NUDT3: variants seen among roughly 807,000 people sequenced by gnomAD.
NUDT3 encodes the protein diphosphoinositol polyphosphate phosphohydrolase 1.
In NUDT3, 9 loss-of-function variants were observed where a neutral mutation model predicts 23.6. That is an observed-to-expected ratio of 0.38 (90% confidence interval 0.23 to 0.66). The LOEUF is 0.66. Ranked by LOEUF, NUDT3 falls within the 30% of genes least tolerant of loss-of-function variation. The probability of loss-of-function intolerance (pLI) is 0.52; values close to 1 mark genes in which losing one functional copy is unlikely to be tolerated. For missense variants in NUDT3, 172 were observed against 218.5 expected (o/e 0.79, Z 1.34); for synonymous variants, 86 against 82.6 (o/e 1.04, Z -0.22).
At chr6:34,304,834 CTTTT>C (rs533001818) in intron 2 of NUDT3, among the ~76,000 whole-genome samples, 2 of 130,754 alleles carry the variant, frequency 1.5e-5, no homozygotes, top group African/African-American at 2.8e-5. Context: ...TAATTAAAAA[CTTTT>C]TTTTTTTTTT....
At chr6:34,368,728 T>C (rs1266150681) in intron 1 of NUDT3, among the ~76,000 whole-genome samples, 1 of 152,180 alleles carries the variant, frequency 6.6e-6, no homozygotes, top group Non-Finnish European at 1.5e-5. Flanking sequence ...AAACTCCACC[T>C]CCTGGGTTCA....
chr6:34,288,971 T>C lies in NUDT3; in HGVS notation c.341-40A>G, dbSNP rs772127907. On this transcript the variant is annotated intron_variant, in intron 4 of 4. Transcript: ENST00000607016. The stretch of plus-strand genomic sequence containing the variant: ...AGAAAAGAAACTAGTACAAGAGTAA[T>C]AAGGTTTCTGAGCCTAGAACTTTTG... 3.9e-6 allele frequency: 6 copies of C among 1,543,006 alleles called. No homozygotes were observed. In the South Asian group the frequency reaches 6.2e-5, roughly 16 times the overall value.
At chr6:34,335,752 G>GTTTTTTTTTTTT (rs776418517) in intron 2 of NUDT3, among the ~76,000 whole-genome samples, 1 of 141,436 alleles carries the variant, frequency 7.1e-6, no homozygotes, top group Non-Finnish European at 1.5e-5. Flanking sequence ...AAAATGCTGT[G>GTTTTTTTTTTTT]TTTTTTTTTT....
chr6:34,328,322 C>T (rs371414749), intron 2 of NUDT3, among the ~76,000 whole-genome samples: 34 of 152,184 alleles, frequency 2.2e-4, no homozygotes, highest in African/African-American at 4.8e-4. Flanking sequence ...TACTGCATGA[C>T]GTTTTGATGT....
At chr6:34,378,353 A>C (rs1215485422) in intron 1 of NUDT3, among the ~76,000 whole-genome samples, 1 of 152,082 alleles carries the variant, frequency 6.6e-6, no homozygotes, top group African/African-American at 2.4e-5. Flanking sequence ...TAAAATGAAA[A>C]GCTCTCCCAC....
chr6:34,381,217 T>C (rs924292209), intron 1 of NUDT3, among the ~76,000 whole-genome samples: 1 of 152,016 alleles, frequency 6.6e-6, no homozygotes, highest in Admixed American at 6.6e-5. Flanking sequence ...GAGGTCCCAC[T>C]ACATTGCTCA....
intron 2 of NUDT3, among the ~76,000 whole-genome samples, chr6:34,309,223 G>GA (rs1486098957): frequency 4.7e-5 from 7 of 150,118 alleles, no homozygotes; most frequent in African/African-American, 1.7e-4. Flanking sequence ...TCAAAAAAAA[G>GA]AAAAAAAAGA....
intron 1 of NUDT3, among the ~76,000 whole-genome samples, chr6:34,370,244 A>C (rs760031165): frequency 1.3e-5 from 2 of 152,302 alleles, no homozygotes. Flanking sequence ...TGCTGGCTAA[A>C]ATAAATAGGA....
rs1400507476 is a variant in NUDT3, at chr6:34,297,548, T to C, written c.211-1863A>G. Among the ~76,000 whole-genome samples the C allele has an allele frequency of 2.1e-5, 3 of 139,670 alleles. No individual in the cohort carries two copies. The East Asian group carries it at 6.0e-4, about 28-fold the overall frequency. 91.6% of individuals were successfully genotyped at this position (139,670 alleles called of 152,430 possible). A position where few individuals can be genotyped will look rare whatever the true frequency, so the allele number is the denominator to read the frequency against. The stretch of plus-strand genomic sequence containing the variant: ...TGGGGGACAGAGGTAAGAAAAGTCA[T>C]TGTTTTTTTTTTTTTTTTAACTCTT... On this transcript the variant is annotated intron_variant, in intron 2 of 4. Coordinates refer to ENST00000607016, the MANE Select transcript of NUDT3 (RefSeq NM_006703.4).
rs539876341 is a variant in NUDT3 at position 34,282,210 on chromosome 6, CTT to C, written c.*6541_*6542del. 2 of 151,544 alleles carry C rather than the reference CTT, an allele frequency of 1.3e-5. No homozygotes were observed. The highest frequency in any genetic ancestry group is 4.8e-5 in the African/African-American group (2 of 41,246). The allele number at this position is 151,544 out of a possible 1,614,324, so 9.4% of individuals were successfully genotyped here. A position where few individuals can be genotyped will look rare whatever the true frequency, so the allele number is the denominator to read the frequency against. Reference sequence around the variant, plus strand: ...AAAGACAAAGGTTTAACCTGAGAAACTTTTTTTTTGGCAAGATAATAAAGAGG... The same window carrying C: ...AAAGACAAAGGTTTAACCTGAGAAACTTTTTTTGGCAAGATAATAAAGAGG... On this transcript the variant is annotated 3_prime_UTR_variant, in exon 5 of 5. Transcript: ENST00000607016.
intron 1 of NUDT3, among the ~76,000 whole-genome samples, chr6:34,387,350 G>A (rs753429822): frequency 6.6e-5 from 10 of 152,152 alleles, no homozygotes; most frequent in Non-Finnish European, 1.5e-4. Flanking sequence ...GGGATAAGAT[G>A]TGGAGGTGGA....
At chr6:34,345,353 C>T (rs1248231825) in intron 1 of NUDT3, among the ~76,000 whole-genome samples, 2 of 151,984 alleles carry the variant, frequency 1.3e-5, no homozygotes, top group African/African-American at 4.8e-5. Context: ...CAGCTGATCA[C>T]TGTCATTTTT....
intron 1 of NUDT3, among the ~76,000 whole-genome samples, chr6:34,366,701 C>T (rs181423499): frequency 1.1e-3 from 160 of 151,178 alleles, no homozygotes; most frequent in African/African-American, 3.7e-3. Flanking sequence ...AGGACTGCAA[C>T]GTGTGCCACC....
intron 1 of NUDT3, 142 bp downstream of exon 1, chr6:34,392,122 C>T: frequency 1.6e-6 from 1 of 617,478 alleles, no homozygotes; most frequent in Non-Finnish European, 2.7e-6. Context: ...CCTTTTTTCG[C>T]CTCAGGAAAT....
chr6:34,310,241 T>C (rs1763750280), intron 2 of NUDT3, among the ~76,000 whole-genome samples: 1 of 150,242 alleles, frequency 6.7e-6, no homozygotes, highest in South Asian at 2.1e-4. Context: ...TCAAAAATAA[T>C]AACAAAAGCA....
At chr6:34,325,719 C>A (rs1470085123) in intron 2 of NUDT3, among the ~76,000 whole-genome samples, 7 of 152,200 alleles carry the variant, frequency 4.6e-5, no homozygotes, top group African/African-American at 1.7e-4. Flanking sequence ...AAGATCCTCA[C>A]ATATAATGTA....
intron 2 of NUDT3, among the ~76,000 whole-genome samples, chr6:34,340,396 A>G (rs1361015386): frequency 1.3e-5 from 2 of 152,212 alleles, no homozygotes; most frequent in African/African-American, 4.8e-5. Context: ...TTTGAACCTC[A>G]TATTCCCCTC....
At chr6:34,390,115 G>T (rs576986516) in intron 1 of NUDT3, among the ~76,000 whole-genome samples, 1 of 152,196 alleles carries the variant, frequency 6.6e-6, no homozygotes, top group African/African-American at 2.4e-5. Context: ...TCCAGCCTGG[G>T]CGAAAGAGCG....
In NUDT3 at chr6:34,293,585, G is replaced by C. The variant is rs370335106; in HGVS notation, c.256-50C>G. ...GAGAGAGTTTTTCCTTAGAAAGCTG[G>C]AATTACTTAAATGAAACACACTCTT... On this transcript the variant is annotated intron_variant, in intron 3 of 4. Coordinates refer to ENST00000607016, the MANE Select transcript of NUDT3 (RefSeq NM_006703.4). 36 of 1,606,912 alleles carry C rather than the reference G, an allele frequency of 2.2e-5. No individual in the cohort carries two copies. In the East Asian group the frequency reaches 4.7e-4, roughly 21 times the overall value.
Sources: allele counts gnomAD v4.1 joint callset (sites outside exome capture counted in the v4.1 genomes callset), GRCh38; gene constraint gnomAD v4.1.1; transcripts MANE v1.5; gene names NCBI Gene and HGNC (gene_info 2026-07-23, HGNC 2026-07-21).